Variants in RALGPS2 observed in about 807,000 individuals in gnomAD.
The protein encoded by RALGPS2 is Ral GEF with PH domain and SH3 binding motif 2.
In RALGPS2, 43 loss-of-function variants were observed where a neutral mutation model predicts 86.8. The ratio of observed to expected loss-of-function variants is 0.50; its 90% CI spans 0.39 to 0.64. RALGPS2 has a LOEUF of 0.64. Ranked by LOEUF, RALGPS2 falls within the 30% of genes least tolerant of loss-of-function variation. The pLI is 0.00. For synonymous variants in RALGPS2, 243 were observed against 231.3 expected (o/e 1.05, Z -0.46); for missense variants, 536 against 694.6 (o/e 0.77, Z 2.57).
At position 178,728,048 on chromosome 1, in the gene RALGPS2, G is replaced by T. The variant is rs927539069; in HGVS notation, c.-84+2629G>T. Among the ~76,000 whole-genome samples the T allele has an allele frequency of 6.6e-5, 10 of 152,064 alleles. 1 individual carries two copies. Among genetic ancestry groups the T allele is most frequent in the Admixed American group, 2.6e-4 (4 of 15,270 alleles). ...TATGTTTATATACTTTGGGTTTCTG[G>T]TTACCAAGTATACCAAAGATAAACA... On this transcript the variant is annotated intron_variant, in intron 1 of 19. Transcript: ENST00000367635.
At chr1:178,874,593 A>G (rs1384719466) in intron 8 of RALGPS2, among the ~76,000 whole-genome samples, 1 of 152,178 alleles carries the variant, frequency 6.6e-6, no homozygotes, top group African/African-American at 2.4e-5. Flanking sequence ...CAGAATTCTT[A>G]TGAAACTCCT....
intron 1 of RALGPS2, among the ~76,000 whole-genome samples, chr1:178,750,054 T>C (rs1211533783): frequency 6.6e-6 from 1 of 152,152 alleles, no homozygotes; most frequent in East Asian, 1.9e-4. Flanking sequence ...GAGGTTACAG[T>C]GAGCCAGTAT....
chr1:178,807,728 G>C (rs1654808960), intron 4 of RALGPS2, among the ~76,000 whole-genome samples: 1 of 152,150 alleles, frequency 6.6e-6, no homozygotes, highest in South Asian at 2.1e-4. Flanking sequence ...AGTCTTCACT[G>C]TATGTTGTGG....
At chr1:178,792,922 GCT>G (rs1377603818) in intron 4 of RALGPS2, among the ~76,000 whole-genome samples, 1 of 152,118 alleles carries the variant, frequency 6.6e-6, no homozygotes, top group Non-Finnish European at 1.5e-5. Flanking sequence ...TCACACAGTT[GCT>G]CTCTCACTTT....
At chr1:178,856,655 A>G (rs960027728) in intron 8 of RALGPS2, among the ~76,000 whole-genome samples, 3 of 151,778 alleles carry the variant, frequency 2.0e-5, no homozygotes, top group Non-Finnish European at 4.4e-5. Context: ...TATACCCAAC[A>G]AAGTAGTCAT....
chr1:178,785,653 A>G lies in RALGPS2; in HGVS notation c.213+46A>G, dbSNP rs758997436. On this transcript the variant is annotated intron_variant, in intron 4 of 19. Transcript: ENST00000367635. Reference sequence around the variant, plus strand: ...TCCTTTTAAATATAGAAAACGATCAATCTCAAATTAAGTGTTTTAGAAATG... The same window carrying G: ...TCCTTTTAAATATAGAAAACGATCAGTCTCAAATTAAGTGTTTTAGAAATG... 6.6e-6 allele frequency: 10 copies of G among 1,523,368 alleles called. No homozygotes were observed. In the East Asian group the frequency reaches 7.2e-5, roughly 11 times the overall value. The allele number at this position is 1,523,368 out of a possible 1,614,324, so 94.4% of individuals were successfully genotyped here.
At chr1:178,738,203 CTTTT>C (rs1051296802) in intron 1 of RALGPS2, among the ~76,000 whole-genome samples, 1 of 110,740 alleles carries the variant, frequency 9.0e-6, no homozygotes, top group Non-Finnish European at 1.8e-5. Context: ...AGATGGATAT[CTTTT>C]TTTTTTTTTT....
intron 13 of RALGPS2, among the ~76,000 whole-genome samples, chr1:178,887,599 C>G (rs1173461304): frequency 6.6e-6 from 1 of 152,048 alleles, no homozygotes; most frequent in Non-Finnish European, 1.5e-5. Context: ...TGGTAAACAG[C>G]CAGTAGAAGG....
At chr1:178,765,382 C>T (rs1264667884) in intron 1 of RALGPS2, among the ~76,000 whole-genome samples, 1 of 151,984 alleles carries the variant, frequency 6.6e-6, no homozygotes, top group African/African-American at 2.4e-5. Flanking sequence ...GTGATGCCCC[C>T]AAAGCCGCAA....
rs139137981 is a variant in RALGPS2, at chr1:178,785,789, G to A, written c.213+182G>A. Among the ~76,000 whole-genome samples, 234 of 152,112 alleles carry A rather than the reference G, an allele frequency of 1.5e-3. 5 individuals are homozygous for A. In the East Asian group the frequency reaches 0.04, roughly 26 times the overall value. ...GTGGCATTCATAGCAATACATTATTGAGTCATAGATAGGACTATACTTGAC... is the reference window on the plus strand; with the variant it reads ...GTGGCATTCATAGCAATACATTATTAAGTCATAGATAGGACTATACTTGAC... On this transcript the variant is annotated intron_variant, in intron 4 of 19. Coordinates refer to ENST00000367635, the MANE Select transcript of RALGPS2 (RefSeq NM_152663.5).
chr1:178,872,309 C>T (rs1658801774), intron 8 of RALGPS2, among the ~76,000 whole-genome samples: 1 of 152,048 alleles, frequency 6.6e-6, no homozygotes, highest in African/African-American at 2.4e-5. Flanking sequence ...ATAGGTATAC[C>T]AGAGGTTGCA....
At chr1:178,740,368 A>G (rs1395061401) in intron 1 of RALGPS2, among the ~76,000 whole-genome samples, 1 of 152,210 alleles carries the variant, frequency 6.6e-6, no homozygotes, top group Non-Finnish European at 1.5e-5. Context: ...ATTGCAGTGG[A>G]TTGGTCCAGC....
At chr1:178,909,543 T>G (rs969217780) in intron 19 of RALGPS2, among the ~76,000 whole-genome samples, 12 of 152,126 alleles carry the variant, frequency 7.9e-5, no homozygotes, top group African/African-American at 2.9e-4. Context: ...CATTTAACAG[T>G]ATTGATTCTT....
chr1:178,896,935 T>C (rs1659974729), intron 16 of RALGPS2, among the ~76,000 whole-genome samples: 1 of 151,138 alleles, frequency 6.6e-6, no homozygotes, highest in African/African-American at 2.5e-5. Context: ...TGTGCATGTG[T>C]CTTTATAGCA....
At chr1:178,823,428 C>T (rs1469665035) in intron 7 of RALGPS2, among the ~76,000 whole-genome samples, 1 of 151,434 alleles carries the variant, frequency 6.6e-6, no homozygotes, top group Non-Finnish European at 1.5e-5. Flanking sequence ...AAATAAATGA[C>T]ATAAATAGCA....
At chr1:178,737,409 C>T (rs537915461) in intron 1 of RALGPS2, among the ~76,000 whole-genome samples, 1 of 152,222 alleles carries the variant, frequency 6.6e-6, no homozygotes, top group South Asian at 2.1e-4. Flanking sequence ...CCACGCCTGG[C>T]TAATTTTTTT....
rs146441536 is a variant in RALGPS2, at chr1:178,781,812, A to G, written c.58-2606A>G. Among the ~76,000 whole-genome samples, 402 of 152,336 alleles carry G rather than the reference A, an allele frequency of 2.6e-3. 3 individuals are homozygous for G. The highest frequency in any genetic ancestry group is 8.8e-3 in the African/African-American group (366 of 41,576). ...ACTGATGTCTATTTGAATACTTAACATTATGAAAAAAATGTTTTATTAGTT... is the reference window on the plus strand; with the variant it reads ...ACTGATGTCTATTTGAATACTTAACGTTATGAAAAAAATGTTTTATTAGTT... On this transcript the variant is annotated intron_variant, in intron 2 of 19. Coordinates refer to ENST00000367635, the MANE Select transcript of RALGPS2 (RefSeq NM_152663.5).
chr1:178,786,113 C>T (rs1215023275), intron 4 of RALGPS2, among the ~76,000 whole-genome samples: 1 of 152,000 alleles, frequency 6.6e-6, no homozygotes, highest in Non-Finnish European at 1.5e-5. Flanking sequence ...AGCCTCACAT[C>T]GAGTAGACTG....
At chr1:178,765,044 T>C (rs542701217) in intron 1 of RALGPS2, among the ~76,000 whole-genome samples, 2 of 152,290 alleles carry the variant, frequency 1.3e-5, no homozygotes, top group Admixed American at 1.3e-4. Context: ...CCCTTTGCCT[T>C]CTGCCATGAT....
Sources: gnomAD v4.1 joint callset for allele counts (sites outside exome capture counted in the v4.1 genomes callset) on GRCh38, gnomAD v4.1.1 for gene constraint, MANE v1.5 for transcripts, NCBI Gene and HGNC (gene_info 2026-07-23, HGNC 2026-07-21) for gene names.